KIF13B: variants seen among roughly 807,000 people sequenced by gnomAD.
The protein encoded by KIF13B is kinesin-like protein KIF13B.
In KIF13B, 127 loss-of-function variants were observed where a neutral mutation model predicts 222.0. That is an observed-to-expected ratio of 0.57 (90% CI 0.50 to 0.66). The LOEUF is 0.66. KIF13B is among the 30% of genes least tolerant of loss of function. The probability of loss-of-function intolerance (pLI) is 0.00; values close to 1 mark genes in which losing one functional copy is unlikely to be tolerated. For missense variants in KIF13B, 2,173 were observed against 2,379.0 expected, an observed-to-expected ratio of 0.91 and a Z score of 1.80; for synonymous variants, 976 against 919.0, an observed-to-expected ratio of 1.06 and a Z score of -1.12.
At chr8:29,238,441 G>C (rs916635963) in intron 2 of KIF13B, among the ~76,000 whole-genome samples, 1 of 152,116 alleles carries the variant, frequency 6.6e-6, no homozygotes, top group Non-Finnish European at 1.5e-5. Flanking sequence ...TTCATATTAG[G>C]TACTCATTAA....
chr8:29,218,818 C>T (rs1814609909), intron 2 of KIF13B: 1 of 152,178 alleles, frequency 6.6e-6, no homozygotes, highest in Non-Finnish European at 1.5e-5. Flanking sequence ...ATCACAGTGC[C>T]CTGCACTCAA....
intron 20 of KIF13B, 118 bp downstream of exon 20, chr8:29,140,350 A>C: frequency 2.9e-6 from 4 of 1,377,678 alleles, no homozygotes; most frequent in Non-Finnish European, 4.0e-6. Flanking sequence ...GAGTCCTTGG[A>C]AACACAAGGT....
intron 2 of KIF13B, among the ~76,000 whole-genome samples, chr8:29,210,064 A>AG (rs34557916): frequency 2.6e-4 from 26 of 99,422 alleles, no homozygotes; most frequent in African/African-American, 9.2e-4. Context: ...TCAGAGAGAG[A>AG]AAAAAAAAAA....
chr8:29,114,786 C>T (rs1005208524), intron 31 of KIF13B, among the ~76,000 whole-genome samples: 2 of 152,110 alleles, frequency 1.3e-5, no homozygotes, highest in East Asian at 1.9e-4. Context: ...AAGCAACATG[C>T]GGCGACTATA....
chr8:29,250,224 C>T, intron 1 of KIF13B: 2 of 360,332 alleles, frequency 5.6e-6, no homozygotes, highest in South Asian at 4.4e-5. Context: ...ATACAGAATA[C>T]ATCTAGAACG....
chr8:29,220,378 G>C (rs889222656), intron 2 of KIF13B, among the ~76,000 whole-genome samples: 1 of 152,128 alleles, frequency 6.6e-6, no homozygotes, highest in Non-Finnish European at 1.5e-5. Flanking sequence ...AGGACAGCTA[G>C]TTACATATGG....
At chr8:29,191,138 A>T in intron 3 of KIF13B, 81 bp from the exon 4 acceptor site, 2 of 1,069,084 alleles carry the variant, frequency 1.9e-6, no homozygotes, top group East Asian at 2.4e-5. Flanking sequence ...TGTTCATAAT[A>T]GTGAAATAAA....
chr8:29,219,791 G>A (rs568143655), intron 2 of KIF13B, among the ~76,000 whole-genome samples: 4 of 150,606 alleles, frequency 2.7e-5, no homozygotes, highest in East Asian at 3.9e-4. Flanking sequence ...GGCAAGCCTC[G>A]GTGGCTCACG....
chr8:29,095,745 C>A (rs142029224), intron 36 of KIF13B, among the ~76,000 whole-genome samples: 84 of 151,872 alleles, frequency 5.5e-4, no homozygotes, highest in Middle Eastern at 3.4e-3. Context: ...CCAGCCTGGG[C>A]GACAAGAGCA....
At chr8:29,110,109 ATGTACACACACACACGTACACGCG>A (rs1158915844) in intron 32 of KIF13B, 39 bp from the exon 33 acceptor site, 2 of 1,515,902 alleles carry the variant, frequency 1.3e-6, no homozygotes, top group Admixed American at 3.9e-5. Flanking sequence ...AAGCTTCTTG[ATGTACACACACACACGTACACGCG>A]TGCACACACA....
At chr8:29,095,971 TTTTG>T (rs148117829) in intron 36 of KIF13B, among the ~76,000 whole-genome samples, 17,009 of 151,186 alleles carry the variant, frequency 0.11, 1,239 homozygotes, top group East Asian at 0.27. Context: ...TAGTGTTTTT[TTTTG>T]TTTGTTTTTT....
rs1325485509 is a variant in KIF13B, at chr8:29,148,785, T to A, written c.1623-18A>T. On this transcript the variant is annotated intron_variant, in intron 15 of 39. Transcript: ENST00000524189. The stretch of plus-strand genomic sequence containing the variant: ...AATTGAGTCTTGGTGGGAAAAAGAG[T>A]ATTATTTTCTGAAGTTAAGATAGGC... The A allele has an allele frequency of 1.3e-6, 2 of 1,568,962 alleles. No individual in the cohort carries two copies. The highest frequency in any genetic ancestry group is 3.7e-5 in the Admixed American group (2 of 53,904).
At chr8:29,232,550 C>T (rs1426637351) in intron 2 of KIF13B, among the ~76,000 whole-genome samples, 1 of 151,810 alleles carries the variant, frequency 6.6e-6, no homozygotes, top group African/African-American at 2.4e-5. Flanking sequence ...GTTAGTCTTG[C>T]CATCCTTTTC....
intron 2 of KIF13B, among the ~76,000 whole-genome samples, chr8:29,202,282 T>C (rs1271347863): frequency 6.6e-6 from 1 of 152,184 alleles, no homozygotes; most frequent in Non-Finnish European, 1.5e-5. Context: ...TTCAGTAAGA[T>C]ATACTGGGGA....
At chr8:29,134,265 C>T (rs1030770964) in intron 21 of KIF13B, 55 bp from the exon 22 acceptor site, 9 of 1,560,560 alleles carry the variant, frequency 5.8e-6, no homozygotes, top group African/African-American at 1.4e-5. Context: ...AACAAGCATT[C>T]AGAGTTGCAG....
intron 18 of KIF13B, among the ~76,000 whole-genome samples, chr8:29,143,360 G>A (rs1254470205): frequency 6.6e-6 from 1 of 152,130 alleles, no homozygotes; most frequent in Non-Finnish European, 1.5e-5. Flanking sequence ...GCATCTTCAG[G>A]GGGTATAAAA....
At chr8:29,207,503 A>G (rs1413622367) in intron 2 of KIF13B, among the ~76,000 whole-genome samples, 1 of 152,132 alleles carries the variant, frequency 6.6e-6, no homozygotes, top group Admixed American at 6.5e-5. Context: ...ATTGGACGTG[A>G]CATGAAATGA....
At chr8:29,082,475 CA>C (rs1178984430) in intron 37 of KIF13B, among the ~76,000 whole-genome samples, 1 of 150,284 alleles carries the variant, frequency 6.7e-6, no homozygotes, top group African/African-American at 2.4e-5. Context: ...CTCATTTTTA[CA>C]AAAAAAAAGT....
intron 14 of KIF13B, among the ~76,000 whole-genome samples, chr8:29,151,697 A>T (rs911836871): frequency 6.6e-6 from 1 of 152,216 alleles, no homozygotes; most frequent in Non-Finnish European, 1.5e-5. Flanking sequence ...AATGCTCAGA[A>T]GATTCCTTCC....
Sources: gnomAD v4.1 joint callset for allele counts (sites outside exome capture counted in the v4.1 genomes callset) on GRCh38, gnomAD v4.1.1 for gene constraint, MANE v1.5 for transcripts, NCBI Gene and HGNC (gene_info 2026-07-23, HGNC 2026-07-21) for gene names.